NKAIN3: variants seen among roughly 807,000 people sequenced by gnomAD.
NKAIN3 encodes sodium/potassium transporting ATPase interacting 3.
A neutral mutation model predicts 30.2 loss-of-function variants in NKAIN3; 25 were observed. The ratio of observed to expected loss-of-function variants is 0.83; its 90% CI spans 0.60 to 1.16. The LOEUF is 1.16. NKAIN3 is among the 50% of genes most tolerant of loss of function. The probability of loss-of-function intolerance (pLI) is 0.00; values close to 1 mark genes in which losing one functional copy is unlikely to be tolerated. For synonymous variants in NKAIN3, 91 were observed against 89.6 expected, an observed-to-expected ratio of 1.02 and a Z score of -0.09; for missense variants, 225 against 254.1, an observed-to-expected ratio of 0.89 and a Z score of 0.78.
chr8:62,861,733 A>G (rs541000387), intron 4 of NKAIN3, among the ~76,000 whole-genome samples: 1 of 152,330 alleles, frequency 6.6e-6, no homozygotes, highest in South Asian at 2.1e-4. Context: ...TAATGAAAGA[A>G]ATCTACGGAA....
intron 4 of NKAIN3, among the ~76,000 whole-genome samples, chr8:62,776,752 G>GT (rs1179913482): frequency 6.6e-6 from 1 of 151,930 alleles, no homozygotes; most frequent in African/African-American, 2.4e-5. Context: ...CCATGATTAT[G>GT]GTATTATAAT....
intron 4 of NKAIN3, among the ~76,000 whole-genome samples, chr8:62,802,627 A>C (rs1352274761): frequency 6.6e-6 from 1 of 152,208 alleles, no homozygotes; most frequent in Non-Finnish European, 1.5e-5. Context: ...CTAAACATGG[A>C]AAGGAACAAC....
intron 1 of NKAIN3, among the ~76,000 whole-genome samples, chr8:62,298,650 T>C (rs940641684): frequency 6.6e-6 from 1 of 152,170 alleles, no homozygotes; most frequent in Non-Finnish European, 1.5e-5. Context: ...CGGTAAGCCA[T>C]GTGTGTATCA....
At chr8:62,482,352 C>A (rs1181093541) in intron 1 of NKAIN3, 1 of 152,292 alleles carries the variant, frequency 6.6e-6, no homozygotes, top group East Asian at 1.9e-4. Flanking sequence ...TCCTGGGCTG[C>A]ATTGAAGGAA....
chr8:62,317,393 G>A (rs1167403839), intron 1 of NKAIN3, among the ~76,000 whole-genome samples: 1 of 152,144 alleles, frequency 6.6e-6, no homozygotes, highest in African/African-American at 2.4e-5. Flanking sequence ...TTCTTCTAGG[G>A]TTTTTATGGA....
At chr8:62,537,349 AAAATATGCCTTTATTT>A in intron 1 of NKAIN3, among the ~76,000 whole-genome samples, 1 of 152,218 alleles carries the variant, frequency 6.6e-6, no homozygotes, top group Non-Finnish European at 1.5e-5. Flanking sequence ...AATAAGGTTT[AAAATATGCCTTTATTT>A]AAATTTCACA....
chr8:62,415,203 ATAT>A (rs1192585728), intron 1 of NKAIN3, among the ~76,000 whole-genome samples: 6 of 142,292 alleles, frequency 4.2e-5, no homozygotes, highest in African/African-American at 1.0e-4. Context: ...TATAGTATAT[ATAT>A]TATATTATTT....
chr8:62,441,750 A>C (rs1317213047), intron 1 of NKAIN3, among the ~76,000 whole-genome samples: 1 of 151,904 alleles, frequency 6.6e-6, no homozygotes, highest in African/African-American at 2.4e-5. Flanking sequence ...ATTTTCTAGG[A>C]TCTTTAGTAC....
At chr8:62,992,932 T>C (rs913884553) in intron 5 of NKAIN3, among the ~76,000 whole-genome samples, 2 of 152,156 alleles carry the variant, frequency 1.3e-5, no homozygotes, top group African/African-American at 4.8e-5. Context: ...ATCCGGTTAA[T>C]GAGGGCATAA....
intron 3 of NKAIN3, among the ~76,000 whole-genome samples, chr8:62,666,052 A>G (rs955791515): frequency 2.0e-5 from 3 of 152,068 alleles, no homozygotes; most frequent in Non-Finnish European, 2.9e-5. Flanking sequence ...CGTCTCTACT[A>G]AAAATACAAA....
chr8:62,269,608 T>G (rs1487193130), intron 1 of NKAIN3, among the ~76,000 whole-genome samples: 2 of 152,212 alleles, frequency 1.3e-5, no homozygotes. Context: ...GGGACACTTG[T>G]CTTCAGTGTT....
At chr8:62,806,614 T>C (rs1426727362) in intron 4 of NKAIN3, among the ~76,000 whole-genome samples, 2 of 151,890 alleles carry the variant, frequency 1.3e-5, no homozygotes, top group Non-Finnish European at 2.9e-5. Context: ...TGAGAACACA[T>C]GGACACTGGA....
At chr8:62,836,262 A>G (rs1322942809) in intron 4 of NKAIN3, among the ~76,000 whole-genome samples, 2 of 152,004 alleles carry the variant, frequency 1.3e-5, no homozygotes, top group African/African-American at 2.4e-5. Flanking sequence ...CATACCCCAA[A>G]CCTCAGCATC....
intron 3 of NKAIN3, among the ~76,000 whole-genome samples, chr8:62,736,337 T>C (rs562222183): frequency 5.3e-5 from 8 of 152,172 alleles, no homozygotes; most frequent in African/African-American, 1.4e-4. Flanking sequence ...CAAACTCTCC[T>C]TGGGCAAGTC....
intron 1 of NKAIN3, among the ~76,000 whole-genome samples, chr8:62,465,750 C>T (rs923531745): frequency 2.6e-5 from 4 of 152,126 alleles, no homozygotes; most frequent in African/African-American, 4.8e-5. Flanking sequence ...TTTTAGGGCA[C>T]GGTAGCTCAC....
At chr8:62,863,066 T>G in intron 4 of NKAIN3, 1 of 991,110 alleles carries the variant, frequency 1.0e-6, no homozygotes, top group East Asian at 2.6e-5. Context: ...TTTGATCCTC[T>G]GTATCATATA....
intron 2 of NKAIN3, among the ~76,000 whole-genome samples, chr8:62,582,318 C>G (rs1038642755): frequency 1.3e-5 from 2 of 152,108 alleles, no homozygotes; most frequent in Non-Finnish European, 2.9e-5. Context: ...CAAAAACAGA[C>G]AGACACATTC....
chr8:62,934,714 A>C (rs1034762124), intron 5 of NKAIN3, among the ~76,000 whole-genome samples: 6 of 152,168 alleles, frequency 3.9e-5, no homozygotes, highest in African/African-American at 1.4e-4. Flanking sequence ...CACTGAAAAC[A>C]ATTGGAAAAA....
chr8:62,884,591 G>C (rs561792922), intron 4 of NKAIN3, among the ~76,000 whole-genome samples: 2 of 152,148 alleles, frequency 1.3e-5, no homozygotes, highest in African/African-American at 4.8e-5. Flanking sequence ...TTAAATGTTT[G>C]GTAGGATTCA....
Sources: allele counts gnomAD v4.1 joint callset (sites outside exome capture counted in the v4.1 genomes callset), GRCh38; gene constraint gnomAD v4.1.1; transcripts MANE v1.5; gene names NCBI Gene and HGNC (gene_info 2026-07-23, HGNC 2026-07-21).